MGAT5: variants seen among roughly 807,000 people sequenced by gnomAD.
MGAT5 encodes alpha-1,6-mannosylglycoprotein 6-beta-N-acetylglucosaminyltransferase A.
Under a neutral mutation model 94.3 loss-of-function variants are expected in MGAT5, and 30 were observed. That is an observed-to-expected ratio of 0.32 (90% CI 0.24 to 0.43). MGAT5 has a LOEUF of 0.43. Ranked by LOEUF, MGAT5 falls within the 20% of genes least tolerant of loss-of-function variation. MGAT5 has a pLI of 1.00. For synonymous variants in MGAT5, 310 were observed against 322.9 expected (o/e 0.96, Z 0.43); for missense variants, 691 against 905.5 (o/e 0.76, Z 3.04).
chr2:134,415,110 T>C (rs1167352881), intron 12 of MGAT5, among the ~76,000 whole-genome samples: 6 of 152,248 alleles, frequency 3.9e-5, no homozygotes, highest in Non-Finnish European at 8.8e-5. Flanking sequence ...CATACTGATT[T>C]TAACTGCTTT....
In MGAT5 at chr2:134,181,317, A is replaced by T. The variant is rs188578849; in HGVS notation, c.-143+61026A>T. ...TTATCCAGCGTAAATAGTAGTGTTG[A>T]GGTTGAGAAACCCTGCTCTACACTC... On this transcript the variant is annotated intron_variant, in intron 1 of 16. Transcript: ENST00000409645. Among the ~76,000 whole-genome samples, 367 of 152,124 alleles carry T rather than the reference A, an allele frequency of 2.4e-3. 3 individuals are homozygous for T. The highest frequency in any genetic ancestry group is 6.5e-3 in the African/African-American group (268 of 41,492).
At chr2:134,350,010 A>C in intron 9 of MGAT5, 72 bp downstream of exon 9, 2 of 1,564,330 alleles carry the variant, frequency 1.3e-6, no homozygotes, top group Non-Finnish European at 1.8e-6. Flanking sequence ...GCCGCCATCT[A>C]TTTTGGGTTA....
At chr2:134,226,820 T>G (rs1010856957) in intron 1 of MGAT5, among the ~76,000 whole-genome samples, 3 of 152,110 alleles carry the variant, frequency 2.0e-5, no homozygotes, top group African/African-American at 7.2e-5. Flanking sequence ...AGTACATGAC[T>G]AAAACACCAG....
intron 1 of MGAT5, among the ~76,000 whole-genome samples, chr2:134,177,082 T>C (rs1465121206): frequency 7.1e-6 from 1 of 140,100 alleles, no homozygotes; most frequent in East Asian, 2.3e-4. Flanking sequence ...TGACCAGATA[T>C]CTGACCCACT....
In MGAT5 at chr2:134,451,787, T is replaced by G. The variant is rs576789743; in HGVS notation, c.*2940T>G. 1.3e-5 allele frequency: 2 copies of G among 152,362 alleles called. No individual in the cohort carries two copies. The highest frequency in any genetic ancestry group is 4.8e-5 in the African/African-American group (2 of 41,578). The allele number at this position is 152,362 out of a possible 1,614,324, so 9.4% of individuals were successfully genotyped here. A position where few individuals can be genotyped will look rare whatever the true frequency, so the allele number is the denominator to read the frequency against. ...TTTACTAAAAGAGAAAGCTTTCCAT[T>G]GAAAGGTAGATACTTTGAGGAGTAA... On this transcript the variant is annotated 3_prime_UTR_variant, in exon 16 of 16. Transcript: ENST00000281923.
chr2:134,180,586 A>G (rs2105168798), intron 1 of MGAT5, among the ~76,000 whole-genome samples: 1 of 152,336 alleles, frequency 6.6e-6, no homozygotes, highest in South Asian at 2.1e-4. Flanking sequence ...AAGCGGCAGA[A>G]TGTGCCTCCA....
At chr2:134,240,698 A>C (rs1681930400) in intron 1 of MGAT5, among the ~76,000 whole-genome samples, 1 of 152,242 alleles carries the variant, frequency 6.6e-6, no homozygotes, top group Admixed American at 6.5e-5. Context: ...TGTAGTCAAA[A>C]GTTGCATTCA....
chr2:134,417,441 G>A (rs758999122), intron 12 of MGAT5, among the ~76,000 whole-genome samples: 37 of 150,912 alleles, frequency 2.5e-4, no homozygotes, highest in Non-Finnish European at 4.9e-4. Context: ...CCTTAGTCTC[G>A]TCTGATCTGT....
chr2:134,206,343 G>A (rs187292727), intron 1 of MGAT5, among the ~76,000 whole-genome samples: 98 of 152,296 alleles, frequency 6.4e-4, no homozygotes, highest in African/African-American at 2.2e-3. Context: ...ACAAAGGATC[G>A]CCAGGATGCT....
chr2:134,203,008 C>G (rs555682407), intron 1 of MGAT5, among the ~76,000 whole-genome samples: 1 of 152,264 alleles, frequency 6.6e-6, no homozygotes, highest in Admixed American at 6.5e-5. Flanking sequence ...CCTATAAATG[C>G]AACATCTCCA....
At position 134,230,799 on chromosome 2, in the gene MGAT5, G is replaced by A. The variant is rs1257213; in HGVS notation, c.-142-23463G>A. Reference sequence around the variant, plus strand: ...ATCATATGACCCAGTAATTCTACTCGTAGGTATATACTCAAGGGGAATGAA... The same window carrying A: ...ATCATATGACCCAGTAATTCTACTCATAGGTATATACTCAAGGGGAATGAA... On this transcript the variant is annotated intron_variant, in intron 1 of 16. Transcript: ENST00000409645. 3.3e-5 allele frequency among the ~76,000 whole-genome samples: 5 copies of A among 152,152 alleles called. No homozygotes were observed. In the South Asian group the frequency reaches 1.0e-3, roughly 32 times the overall value.
chr2:134,432,512 A>T (rs932139489), intron 14 of MGAT5, among the ~76,000 whole-genome samples: 3 of 152,212 alleles, frequency 2.0e-5, no homozygotes, highest in African/African-American at 4.8e-5. Context: ...GAGGTGACAG[A>T]TTGCAAGGAA....
At chr2:134,138,581 T>C (rs565566789) in intron 1 of MGAT5, among the ~76,000 whole-genome samples, 2 of 152,226 alleles carry the variant, frequency 1.3e-5, no homozygotes, top group East Asian at 3.8e-4. Context: ...CACATGCAGA[T>C]GAATACTTTC....
At chr2:134,141,110 G>A (rs2104955162) in intron 1 of MGAT5, among the ~76,000 whole-genome samples, 1 of 152,292 alleles carries the variant, frequency 6.6e-6, no homozygotes, top group African/African-American at 2.4e-5. Flanking sequence ...GTTATCTAGG[G>A]TTCCTGATAG....
At chr2:134,377,395 C>T (rs1456596948) in intron 10 of MGAT5, among the ~76,000 whole-genome samples, 1 of 152,162 alleles carries the variant, frequency 6.6e-6, no homozygotes, top group South Asian at 2.1e-4. Context: ...CTAAAGCTTC[C>T]CTTCCTCTGA....
intron 1 of MGAT5, among the ~76,000 whole-genome samples, chr2:134,192,118 G>C (rs1305806839): frequency 2.0e-5 from 3 of 150,130 alleles, no homozygotes; most frequent in Admixed American, 6.6e-5. Context: ...TCGCGCGAGC[G>C]GGTTCCTGAT....
intron 2 of MGAT5, among the ~76,000 whole-genome samples, chr2:134,283,601 C>G (rs1416305271): frequency 6.7e-6 from 1 of 148,706 alleles, no homozygotes. Flanking sequence ...CTGTAGGTGC[C>G]TGTCTCTATT....
chr2:134,342,202 C>T (rs1379668963), intron 7 of MGAT5, among the ~76,000 whole-genome samples: 2 of 152,186 alleles, frequency 1.3e-5, no homozygotes, highest in Non-Finnish European at 2.9e-5. Flanking sequence ...CTGAGCTGAT[C>T]CTTTTTCAAT....
chr2:134,185,320 C>T (rs977617774), intron 1 of MGAT5, among the ~76,000 whole-genome samples: 10 of 152,156 alleles, frequency 6.6e-5, no homozygotes, highest in African/African-American at 2.4e-4. Flanking sequence ...ATCTTTACCC[C>T]TCTTGTTTTC....
Sources: allele counts gnomAD v4.1 joint callset (sites outside exome capture counted in the v4.1 genomes callset), GRCh38; gene constraint gnomAD v4.1.1; transcripts MANE v1.5; gene names NCBI Gene and HGNC (gene_info 2026-07-23, HGNC 2026-07-21).